The following ISY1 variants were observed in gnomAD, a reference collection of about 807,000 sequenced individuals.
ISY1 encodes the protein ISY1 spliceosome associated protein.
ISY1 carries 12 observed loss-of-function variants against 54.4 expected under a neutral mutation model. The observed-to-expected ratio is 0.22, with a 90% CI of 0.14 to 0.36. The LOEUF (loss-of-function observed/expected upper bound fraction) is 0.36. ISY1 is among the 10% of genes least tolerant of loss of function. The pLI is 1.00. For missense variants in ISY1, 282 were observed against 342.2 expected (o/e 0.82, Z 1.39); for synonymous variants, 96 against 117.9 (o/e 0.81, Z 1.20).
intron 1 of ISY1, among the ~76,000 whole-genome samples, chr3:129,160,490 C>A (rs1379774604): frequency 6.6e-6 from 1 of 151,840 alleles, no homozygotes; most frequent in Non-Finnish European, 1.5e-5. Context: ...TATTGAACAT[C>A]TGCAACGACT....
At chr3:129,153,640 G>T (rs1267234549) in intron 5 of ISY1, among the ~76,000 whole-genome samples, 3 of 150,448 alleles carry the variant, frequency 2.0e-5, no homozygotes, top group African/African-American at 7.3e-5. Context: ...AAAAAAATTA[G>T]CTGGGCATGG....
intron 1 of ISY1, among the ~76,000 whole-genome samples, chr3:129,159,988 G>C (rs1053644942): frequency 2.0e-5 from 3 of 151,982 alleles, no homozygotes; most frequent in Non-Finnish European, 4.4e-5. Context: ...AAACACCGCA[G>C]TAATTTGGGA....
chr3:129,127,976 G>C lies in ISY1; in HGVS notation c.*2105C>G, dbSNP rs1360419473. 6.6e-6 allele frequency: 1 copy of C among 152,408 alleles called. No individual in the cohort carries two copies. The highest frequency in any genetic ancestry group is 1.9e-4 in the East Asian group (1 of 5,188). The allele number at this position is 152,408 out of a possible 1,614,324, so 9.4% of individuals were successfully genotyped here. A position where few individuals can be genotyped will look rare whatever the true frequency, so the allele number is the denominator to read the frequency against. ...AAACCCACAACCAGGCCTGTCTGAG[G>C]CCGGCCATCCGCACGCTCCCAAGAG... On this transcript the variant is annotated 3_prime_UTR_variant, in exon 11 of 11. Transcript: ENST00000393295.
At chr3:129,136,926 A>G (rs13085999) in intron 7 of ISY1, among the ~76,000 whole-genome samples, 137,842 of 145,810 alleles carry the variant, frequency 0.95, 65,092 homozygotes, top group East Asian at 0.98. Flanking sequence ...ACAGAGCCTC[A>G]CTCTGTTGCC....
intron 1 of ISY1, 144 bp downstream of exon 1, chr3:129,160,829 G>T: frequency 9.5e-7 from 1 of 1,057,792 alleles, no homozygotes; most frequent in Non-Finnish European, 1.4e-6. Context: ...GAGGCAGGAA[G>T]AGAATCCCCT....
At chr3:129,141,881 T>A (rs1936627239) in intron 6 of ISY1, among the ~76,000 whole-genome samples, 1 of 151,790 alleles carries the variant, frequency 6.6e-6, no homozygotes, top group Non-Finnish European at 1.5e-5. Context: ...ACAAATGAAA[T>A]ATATCCAGAA....
chr3:129,159,706 T>C (rs1036024386), intron 1 of ISY1, among the ~76,000 whole-genome samples: 2 of 152,188 alleles, frequency 1.3e-5, no homozygotes, highest in Non-Finnish European at 2.9e-5. Context: ...GTAGTCTAGG[T>C]AGAAAGAGTC....
At chr3:129,159,241 CT>C in intron 1 of ISY1, 65 bp from the exon 2 acceptor site, 1 of 1,572,612 alleles carries the variant, frequency 6.4e-7, no homozygotes, top group African/African-American at 1.4e-5. Flanking sequence ...TTGCCCTTTA[CT>C]TTTTAGTGAA....
chr3:129,137,914 C>CAA (rs1175621872), intron 7 of ISY1, among the ~76,000 whole-genome samples: 40 of 37,926 alleles, frequency 1.1e-3, no homozygotes, highest in South Asian at 1.6e-3. Flanking sequence ...GACTCCATGT[C>CAA]AAAAAAAAAA....
intron 5 of ISY1, among the ~76,000 whole-genome samples, chr3:129,147,421 C>T (rs1176357396): frequency 6.6e-6 from 1 of 151,984 alleles, no homozygotes; most frequent in African/African-American, 2.4e-5. Context: ...ACCTCCCACT[C>T]CCACGTTCTG....
At position 129,129,338 on chromosome 3, in the gene ISY1, A is replaced by AG. The variant is rs1936175588; in HGVS notation, c.*742dup. 6.7e-6 allele frequency: 1 copy of AG among 150,208 alleles called. No homozygotes were observed. The highest frequency in any genetic ancestry group is 6.6e-5 in the Admixed American group (1 of 15,122). The allele number at this position is 150,208 out of a possible 1,614,324, so 9.3% of individuals were successfully genotyped here. A position where few individuals can be genotyped will look rare whatever the true frequency, so the allele number is the denominator to read the frequency against. On this transcript the variant is annotated 3_prime_UTR_variant, in exon 11 of 11. Transcript: ENST00000393295. ...GAGCCCAGAGCAGCAACCAACACAG[A>AG]GGGACCTGGTCATTGACTTGTGGGT...
In ISY1 at chr3:129,134,943, G is replaced by A. The variant is rs761759440; in HGVS notation, c.430C>T (p.Pro144Ser). The A allele has an allele frequency of 1.2e-6, 2 of 1,606,678 alleles. No homozygotes were observed. Among genetic ancestry groups the A allele is most frequent in the South Asian group, 2.2e-5 (2 of 90,288 alleles). The change falls in exon 8 of 11, where the codon CCC becomes TCC. Residue 144 changes from proline (P) to serine (S), a missense_variant. Pro to Ser is a moderately conservative substitution (Grantham distance 74, BLOSUM62 -1). Around this residue, in one of 2 missense-constraint regions of ISY1, gnomAD observed 279 missense variants for 323.6 expected, o/e 0.86. Coordinates refer to ENST00000393295, the MANE Select transcript of ISY1 (RefSeq NM_020701.4). ...ATGAGCTCAGCACGTGTCTTTCTGGGAGGAGGAAGAGCTATAAGAAACAGA... is the reference window on the plus strand; with the variant it reads ...ATGAGCTCAGCACGTGTCTTTCTGGAAGGAGGAAGAGCTATAAGAAACAGA... ...ELFEKEPLPP[P>S]RKTRAELMKA... is the part of the protein sequence containing the mutation.
intron 1 of ISY1, among the ~76,000 whole-genome samples, chr3:129,160,031 T>C (rs1011353587): frequency 2.6e-5 from 4 of 152,100 alleles, no homozygotes; most frequent in African/African-American, 9.7e-5. Flanking sequence ...TACTACTTTT[T>C]TTTTTTTTCT....
intron 5 of ISY1, among the ~76,000 whole-genome samples, chr3:129,156,143 A>G (rs1261209835): frequency 6.6e-6 from 1 of 152,092 alleles, no homozygotes; most frequent in African/African-American, 2.4e-5. Flanking sequence ...TCATACCTAT[A>G]ATCCCAGCAC....
intron 5 of ISY1, among the ~76,000 whole-genome samples, chr3:129,149,744 G>A (rs1196389725): frequency 1.4e-4 from 17 of 122,368 alleles, no homozygotes; most frequent in African/African-American, 4.9e-4. Flanking sequence ...AGCCAAGATC[G>A]TACCACTGCA....
intron 5 of ISY1, among the ~76,000 whole-genome samples, chr3:129,155,195 T>C (rs1202095266): frequency 6.6e-6 from 1 of 151,266 alleles, no homozygotes; most frequent in Non-Finnish European, 1.5e-5. Flanking sequence ...GTGCTATATA[T>C]GTATTTTTTG....
chr3:129,142,248 T>G (rs1305862722), intron 6 of ISY1, among the ~76,000 whole-genome samples: 3 of 150,062 alleles, frequency 2.0e-5, no homozygotes, highest in African/African-American at 7.4e-5. Flanking sequence ...CTACATGTAG[T>G]ATGTGACCCC....
chr3:129,138,824 A>C (rs570882744), intron 7 of ISY1, among the ~76,000 whole-genome samples: 1 of 151,008 alleles, frequency 6.6e-6, no homozygotes, highest in Non-Finnish European at 1.5e-5. Flanking sequence ...CAAAAAAAAA[A>C]AAAGAAAGAA....
chr3:129,136,566 C>T lies in ISY1; in HGVS notation c.419-1612G>A, dbSNP rs140334536. ...TTGCTCAGGCTGGAGTGCAATGGCG[C>T]AATCTCAGCTCACCACAACCTCCGC... On this transcript the variant is annotated intron_variant, in intron 7 of 10. Coordinates refer to ENST00000393295, the MANE Select transcript of ISY1 (RefSeq NM_020701.4). Among the ~76,000 whole-genome samples the T allele has an allele frequency of 7.1e-3, 1,079 of 151,030 alleles. 5 individuals carry two copies. The highest frequency in any genetic ancestry group is 0.012 in the Non-Finnish European group (783 of 67,714).
Sources: allele counts gnomAD v4.1 joint callset (sites outside exome capture counted in the v4.1 genomes callset), GRCh38; gene constraint gnomAD v4.1.1; regional missense constraint gnomAD v4.1.1; transcripts MANE v1.5; gene names NCBI Gene and HGNC (gene_info 2026-07-23, HGNC 2026-07-21).